Variants in SINHCAF observed in about 807,000 individuals in gnomAD.
The protein encoded by SINHCAF is SIN3-HDAC complex-associated factor.
In SINHCAF, 3 loss-of-function variants were observed where a neutral mutation model predicts 25.8. The ratio of observed to expected loss-of-function variants is 0.12; its 90% CI spans 0.05 to 0.30. The LOEUF is 0.30. Among genes scored for constraint, SINHCAF ranks in the 10% least tolerant of loss-of-function variants. The probability of loss-of-function intolerance (pLI) is 1.00; values close to 1 mark genes in which losing one functional copy is unlikely to be tolerated. For synonymous variants in SINHCAF, 70 were observed against 85.5 expected (o/e 0.82, Z 1.00); for missense variants, 121 against 262.3 (o/e 0.46, Z 3.72).
intron 1 of SINHCAF, among the ~76,000 whole-genome samples, chr12:31,322,077 TCCA>T (rs1210069019): frequency 3.9e-5 from 6 of 152,082 alleles, no homozygotes; most frequent in African/African-American, 1.5e-4. Context: ...GGGCCTGCTG[TCCA>T]CCAGTGATCT....
rs1049109745 is a variant in SINHCAF at position 31,281,389 on chromosome 12, TAC to T, written c.*1321_*1322del. 3.9e-5 allele frequency: 6 copies of T among 152,242 alleles called. No individual in the cohort carries two copies. The highest frequency in any genetic ancestry group is 8.8e-5 in the Non-Finnish European group (6 of 68,044). The allele number at this position is 152,242 out of a possible 1,614,324, so 9.4% of individuals were successfully genotyped here. On this transcript the variant is annotated 3_prime_UTR_variant, in exon 6 of 6. Coordinates refer to ENST00000337682, the MANE Select transcript of SINHCAF (RefSeq NM_001135812.2). ...TTCTTTTAGTAAGTTTTACTTTTAA[TAC>T]AGAGTGAAAGAAAATAAAAATTTAA...
At chr12:31,302,931 G>A (rs1938867316) in intron 1 of SINHCAF, 1 of 984,894 alleles carries the variant, frequency 1.0e-6, no homozygotes, top group Non-Finnish European at 1.2e-6. Flanking sequence ...ATAGGCCATG[G>A]TTTTATTACC....
rs1292789075 is a variant in SINHCAF at position 31,281,281 on chromosome 12, C to G, written c.*1431G>C. ...ATGAAAATCTTAGGATTGAAGAGCT[C>G]TAAGTTCAGGATATCTCAATGTTCA... is the stretch of plus-strand genomic sequence containing the variant. On this transcript the variant is annotated 3_prime_UTR_variant, in exon 6 of 6. Coordinates refer to ENST00000337682, the MANE Select transcript of SINHCAF (RefSeq NM_001135812.2). 2 of 152,126 alleles carry G rather than the reference C, an allele frequency of 1.3e-5. No individual in the cohort carries two copies. Among genetic ancestry groups the G allele is most frequent in the South Asian group, 2.1e-4 (1 of 4,830 alleles). The allele number at this position is 152,126 out of a possible 1,614,324, so 9.4% of individuals were successfully genotyped here.
At chr12:31,286,614 G>T (rs1193807047) in intron 5 of SINHCAF, among the ~76,000 whole-genome samples, 1 of 146,410 alleles carries the variant, frequency 6.8e-6, no homozygotes, top group Non-Finnish European at 1.5e-5. Context: ...AGTGAGCAGA[G>T]ATCGAGCCAT....
intron 2 of SINHCAF, among the ~76,000 whole-genome samples, chr12:31,297,773 A>G (rs945909811): frequency 6.6e-6 from 1 of 152,114 alleles, no homozygotes; most frequent in African/African-American, 2.4e-5. Context: ...GCACCCAGTC[A>G]AGGGTAATTT....
rs1293136642 is a variant in SINHCAF, at chr12:31,307,484, G to A, written c.-20-9260C>T. Reference sequence around the variant, plus strand: ...GCAGGCAGATTAACTGAGCCCAGGAGGTCAAGGCAGCAGTGAGCTGTGAAC... The same window carrying A: ...GCAGGCAGATTAACTGAGCCCAGGAAGTCAAGGCAGCAGTGAGCTGTGAAC... On this transcript the variant is annotated intron_variant, in intron 1 of 5. Coordinates refer to ENST00000337682, the MANE Select transcript of SINHCAF (RefSeq NM_001135812.2). 2.0e-5 allele frequency among the ~76,000 whole-genome samples: 3 copies of A among 152,130 alleles called. No individual in the cohort carries two copies. In the East Asian group the frequency reaches 5.8e-4, roughly 29 times the overall value.
At chr12:31,314,758 T>C (rs1939433477) in intron 1 of SINHCAF, among the ~76,000 whole-genome samples, 1 of 152,206 alleles carries the variant, frequency 6.6e-6, no homozygotes, top group Admixed American at 6.5e-5. Context: ...GCTTAATTTT[T>C]GCACTAGCAC....
At chr12:31,303,958 G>A (rs946092127) in intron 1 of SINHCAF, 2 of 152,054 alleles carry the variant, frequency 1.3e-5, no homozygotes, top group Non-Finnish European at 2.9e-5. Context: ...AGGTGTCGAT[G>A]TAAGTGCAAC....
intron 1 of SINHCAF, chr12:31,298,440 G>A: frequency 3.9e-6 from 2 of 507,840 alleles, no homozygotes; most frequent in East Asian, 3.6e-5. Flanking sequence ...ATTTAAGGAG[G>A]ACTCTACTAC....
At chr12:31,320,647 A>C (rs1017457190) in intron 1 of SINHCAF, among the ~76,000 whole-genome samples, 1 of 152,220 alleles carries the variant, frequency 6.6e-6, no homozygotes, top group Admixed American at 6.5e-5. Flanking sequence ...TAAAGACGTG[A>C]ATTTTAAAAA....
At chr12:31,311,158 A>G (rs573710207) in intron 1 of SINHCAF, among the ~76,000 whole-genome samples, 17 of 152,218 alleles carry the variant, frequency 1.1e-4, no homozygotes, top group Non-Finnish European at 1.9e-4. Context: ...TGATCTTTTG[A>G]AAAAAACAAG....
chr12:31,313,992 G>T (rs577117465), intron 1 of SINHCAF, among the ~76,000 whole-genome samples: 1 of 151,634 alleles, frequency 6.6e-6, no homozygotes, highest in African/African-American at 2.4e-5. Context: ...AAGAGAAAGA[G>T]AATTAGGAAT....
intron 1 of SINHCAF, among the ~76,000 whole-genome samples, chr12:31,321,207 C>A (rs1316885147): frequency 6.6e-6 from 1 of 152,156 alleles, no homozygotes; most frequent in Admixed American, 6.6e-5. Flanking sequence ...ATTTATAACA[C>A]CCCAAAATCA....
chr12:31,325,948 AAG>A lies in SINHCAF; in HGVS notation c.-21+74_-21+75del, dbSNP rs1219579612. The stretch of plus-strand genomic sequence containing the variant: ...ACGGGGGGAGGTGGGTGGAGGTGAA[AAG>A]AGAAAAAAAAAAACACTGAAATCAA... On this transcript the variant is annotated intron_variant, in intron 1 of 5. Coordinates refer to ENST00000337682, the MANE Select transcript of SINHCAF (RefSeq NM_001135812.2). This position sits in a 1 kb window ranked among gnomAD's most constrained non-coding sequence, Gnocchi z 5.9. 3 of 151,730 alleles carry A rather than the reference AAG, an allele frequency of 2.0e-5. No homozygotes were observed. The East Asian group carries it at 5.8e-4, about 29-fold the overall frequency. The allele number at this position is 151,730 out of a possible 1,614,324, so 9.4% of individuals were successfully genotyped here.
intron 1 of SINHCAF, among the ~76,000 whole-genome samples, chr12:31,305,689 T>G (rs970152365): frequency 6.7e-6 from 1 of 149,998 alleles, no homozygotes. Context: ...TACGGAAATA[T>G]AGGCCAATTT....
chr12:31,314,591 C>A lies in SINHCAF; in HGVS notation c.-21+11433G>T, dbSNP rs193301181. Reference sequence around the variant, plus strand: ...GGTGAAGGAGGCCCAAAGAGAGGTACTTCTGAAGATTTTTTTTTTTTAATA... The same window carrying A: ...GGTGAAGGAGGCCCAAAGAGAGGTAATTCTGAAGATTTTTTTTTTTTAATA... On this transcript the variant is annotated intron_variant, in intron 1 of 5. Coordinates refer to ENST00000337682, the MANE Select transcript of SINHCAF (RefSeq NM_001135812.2). Among the ~76,000 whole-genome samples the A allele has an allele frequency of 5.3e-5, 8 of 151,694 alleles. 1 individual carries two copies. In the East Asian group the frequency reaches 1.5e-3, roughly 29 times the overall value.
intron 1 of SINHCAF, among the ~76,000 whole-genome samples, chr12:31,317,899 GCAACCAAAGA>G (rs1342122978): frequency 6.6e-6 from 1 of 152,098 alleles, no homozygotes; most frequent in African/African-American, 2.4e-5. Flanking sequence ...AAAGAACTAA[GCAACCAAAGA>G]CAACTTTGAA....
At chr12:31,286,716 G>A (rs1205553581) in intron 5 of SINHCAF, among the ~76,000 whole-genome samples, 11 of 150,802 alleles carry the variant, frequency 7.3e-5, no homozygotes, top group Non-Finnish European at 1.0e-4. Flanking sequence ...TTAGTTGATC[G>A]TCTCATGTTC....
Position 31,285,412 on chromosome 12 carries a change from T to TACACACAC in SINHCAF, c.506+2221_506+2222insGTGTGTGT, listed in dbSNP as rs1259370271. Among the ~76,000 whole-genome samples, 37 of 66,460 alleles carry TACACACAC rather than the reference T, an allele frequency of 5.6e-4. 2 individuals are homozygous for TACACACAC. Among genetic ancestry groups the TACACACAC allele is most frequent in the African/African-American group, 2.7e-3 (35 of 12,906 alleles). The allele number at this position is 66,460 out of a possible 152,430, so 43.6% of individuals were successfully genotyped here. A position where few individuals can be genotyped will look rare whatever the true frequency, so the allele number is the denominator to read the frequency against. ...CTCAACATAGACATATATTTATATATATACATACACACACACACACACACA... is the reference window on the plus strand; with the variant it reads ...CTCAACATAGACATATATTTATATATACACACACATACATACACACACACACACACACA... On this transcript the variant is annotated intron_variant, in intron 5 of 5. Coordinates refer to ENST00000337682, the MANE Select transcript of SINHCAF (RefSeq NM_001135812.2).
Sources: gnomAD v4.1 joint callset for allele counts (sites outside exome capture counted in the v4.1 genomes callset) on GRCh38, gnomAD v4.1.1 for gene constraint, Gnocchi (gnomAD v3.1) non-coding constraint, MANE v1.5 for transcripts, NCBI Gene and HGNC (gene_info 2026-07-23, HGNC 2026-07-21) for gene names.